The following CDCP1 variants were observed in gnomAD, a reference collection of about 807,000 sequenced individuals.
The protein encoded by CDCP1 is CUB domain containing protein 1.
CDCP1 carries 29 observed loss-of-function variants against 60.2 expected under a neutral mutation model. The ratio of observed to expected loss-of-function variants is 0.48; its 90% confidence interval spans 0.36 to 0.66. The LOEUF (loss-of-function observed/expected upper bound fraction) is 0.66. CDCP1 is among the 30% of genes least tolerant of loss of function. The probability of loss-of-function intolerance (pLI) is 0.00; values close to 1 mark genes in which losing one functional copy is unlikely to be tolerated. For missense variants in CDCP1, 876 were observed against 1,074.3 expected, an observed-to-expected ratio of 0.82 and a Z score of 2.58; for synonymous variants, 387 against 431.1, an observed-to-expected ratio of 0.90 and a Z score of 1.27.
chr3:45,099,640 G>C (rs1698457818), intron 4 of CDCP1, among the ~76,000 whole-genome samples: 1 of 151,914 alleles, frequency 6.6e-6, no homozygotes, highest in African/African-American at 2.4e-5. Context: ...TCCTTGACTG[G>C]TCCTTGAGTT....
chr3:45,142,968 C>T (rs1272590322), intron 1 of CDCP1, among the ~76,000 whole-genome samples: 2 of 152,156 alleles, frequency 1.3e-5, no homozygotes, highest in African/African-American at 2.4e-5. Context: ...TTCAGGAGGC[C>T]GAGGCGGGCA....
chr3:45,112,799 G>T (rs2125998046), intron 2 of CDCP1, among the ~76,000 whole-genome samples: 1 of 152,322 alleles, frequency 6.6e-6, no homozygotes, highest in Non-Finnish European at 1.5e-5. Context: ...GATGTAACCT[G>T]GGTATGCCAT....
intron 1 of CDCP1, among the ~76,000 whole-genome samples, chr3:45,141,693 G>A (rs1699292935): frequency 6.6e-6 from 1 of 152,226 alleles, no homozygotes; most frequent in African/African-American, 2.4e-5. Flanking sequence ...GCGAGGGAAG[G>A]AGCCTGGATC....
rs549507484 is a variant in CDCP1, at chr3:45,093,919, C to A, written c.1247-262G>T. On this transcript the variant is annotated intron_variant, in intron 5 of 8. Coordinates refer to ENST00000296129, the MANE Select transcript of CDCP1 (RefSeq NM_022842.5). ...GTACTCAGGGTTGAAATTTCCTCTC[C>A]TTTTTTGCTTAAGTTTTTCTTCTGT... Among the ~76,000 whole-genome samples, 14 of 152,174 alleles carry A rather than the reference C, an allele frequency of 9.2e-5. No individual in the cohort carries two copies. The South Asian group carries it at 2.7e-3, about 29-fold the overall frequency.
chr3:45,096,533 G>A (rs1422280131), intron 4 of CDCP1, among the ~76,000 whole-genome samples: 2 of 148,406 alleles, frequency 1.3e-5, no homozygotes, highest in African/African-American at 2.5e-5. Context: ...GCTGAGACAG[G>A]AGAATCGCTT....
In CDCP1 at chr3:45,109,245, G is replaced by A. The variant is rs554275028; in HGVS notation, c.1024+1228C>T. ...ATTACAGGCATGAGCCACCGTGCCC[G>A]GCCCCTTGTATATATATCTATACAC... On this transcript the variant is annotated intron_variant, in intron 4 of 8. Coordinates refer to ENST00000296129, the MANE Select transcript of CDCP1 (RefSeq NM_022842.5). Among the ~76,000 whole-genome samples, 393 of 151,764 alleles carry A rather than the reference G, an allele frequency of 2.6e-3. 4 individuals carry two copies. Among genetic ancestry groups the A allele is most frequent in the Non-Finnish European group, 1.6e-3 (107 of 67,934 alleles).
At chr3:45,086,117 G>A (rs775846351) in intron 8 of CDCP1, 50 bp from the exon 9 acceptor site, 19 of 1,507,202 alleles carry the variant, frequency 1.3e-5, no homozygotes, top group Admixed American at 6.8e-5. Flanking sequence ...AAGAATCTTC[G>A]ATGGGTACCA....
chr3:45,135,079 T>C (rs948321498), intron 1 of CDCP1, among the ~76,000 whole-genome samples: 1 of 152,174 alleles, frequency 6.6e-6, no homozygotes, highest in African/African-American at 2.4e-5. Flanking sequence ...TTGGGCATCA[T>C]AATGAAGTTA....
At position 45,091,185 on chromosome 3, in the gene CDCP1, G is replaced by T; in HGVS notation, c.1981C>A (p.Pro661Thr). 1.9e-6 allele frequency: 3 copies of T among 1,612,576 alleles called. No homozygotes were observed. Among genetic ancestry groups the T allele is most frequent in the South Asian group, 1.1e-5 (1 of 91,018 alleles). ...TGAAGGCCCTTACCCACAGTCCTTG[G>T]GGTAAGTGTCACCGAGAAGAGCAGG... ...LDLLFSVTLT[P>T]RTVDLTVILI... Residue 661 changes from proline (P) to threonine (T), a missense_variant, in exon 7 of 9, where the codon CCA (proline) becomes ACA (threonine). Transcript: ENST00000296129. The surrounding 1 kb of genome is among the most constrained non-coding windows in gnomAD (Gnocchi z 4.8).
intron 1 of CDCP1, among the ~76,000 whole-genome samples, chr3:45,120,450 C>T (rs1176446737): frequency 6.6e-6 from 1 of 152,132 alleles, no homozygotes; most frequent in African/African-American, 2.4e-5. Flanking sequence ...GGCCTCTGTT[C>T]CTTCATTGTA....
chr3:45,117,420 T>C (rs942015749), intron 2 of CDCP1, among the ~76,000 whole-genome samples: 1 of 152,212 alleles, frequency 6.6e-6, no homozygotes. Flanking sequence ...CCTTATTTTA[T>C]AGACTAGAAA....
intron 8 of CDCP1, among the ~76,000 whole-genome samples, chr3:45,087,684 G>A (rs538195075): frequency 2.0e-5 from 3 of 152,304 alleles, no homozygotes; most frequent in Non-Finnish European, 4.4e-5. Flanking sequence ...TTGTAGACTA[G>A]GAATTTCAGT....
chr3:45,098,571 C>T (rs900161004), intron 4 of CDCP1, among the ~76,000 whole-genome samples: 7 of 151,806 alleles, frequency 4.6e-5, no homozygotes, highest in African/African-American at 1.7e-4. Flanking sequence ...ATGTGGATTT[C>T]TCCTCCTTCA....
chr3:45,108,372 C>T (rs887429415), intron 4 of CDCP1, among the ~76,000 whole-genome samples: 2 of 152,174 alleles, frequency 1.3e-5, no homozygotes, highest in Non-Finnish European at 2.9e-5. Flanking sequence ...CTGCTAAACA[C>T]CTCTCAACGG....
chr3:45,125,209 C>T (rs1439307306), intron 1 of CDCP1, among the ~76,000 whole-genome samples: 1 of 152,210 alleles, frequency 6.6e-6, no homozygotes, highest in Non-Finnish European at 1.5e-5. Flanking sequence ...CTTGGAGCCA[C>T]TCTGGGGAGT....
chr3:45,117,804 C>T (rs1297662624), intron 2 of CDCP1, among the ~76,000 whole-genome samples: 1 of 152,058 alleles, frequency 6.6e-6, no homozygotes, highest in East Asian at 1.9e-4. Flanking sequence ...ACCATGTTGG[C>T]CAGGCTGGTC....
In CDCP1 at chr3:45,085,955, G is replaced by A. The variant is rs1371376369; in HGVS notation, c.2194C>T (p.His732Tyr). 2 of 1,614,156 alleles carry A rather than the reference G, an allele frequency of 1.2e-6. No individual in the cohort carries two copies. Among genetic ancestry groups the A allele is most frequent in the African/African-American group, 1.3e-5 (1 of 75,042 alleles). ...GTGTCCTCGATGACTGCATACACAT[G>A]GGAGTCATTGTCCTTTCGCCCTTTC... is the stretch of plus-strand genomic sequence containing the variant. ...FQKGRKDNDS[H>Y]VYAVIEDTMV... The change falls in exon 9 of 9, where the codon CAT (histidine) becomes TAT (tyrosine). Residue 732 changes from histidine to tyrosine, a missense_variant. Physicochemically the swap from His to Tyr is moderately conservative, Grantham distance 83. Transcript: ENST00000296129. The surrounding 1 kb of genome is among the most constrained non-coding windows in gnomAD (Gnocchi z 4.2).
At chr3:45,145,763 C>A (rs1699372555) in intron 1 of CDCP1, among the ~76,000 whole-genome samples, 1 of 152,126 alleles carries the variant, frequency 6.6e-6, no homozygotes, top group African/African-American at 2.4e-5. Context: ...AGGTAGAGGG[C>A]GAGCCTGGAG....
intron 8 of CDCP1, 62 bp from the exon 9 acceptor site, chr3:45,086,129 T>G: frequency 7.1e-7 from 1 of 1,406,116 alleles, no homozygotes; most frequent in Non-Finnish European, 9.9e-7. Context: ...TGGGTACCAT[T>G]GCTATGGCCC....
Sources: gnomAD v4.1 joint callset for allele counts (sites outside exome capture counted in the v4.1 genomes callset) on GRCh38, gnomAD v4.1.1 for gene constraint, Gnocchi (gnomAD v3.1) non-coding constraint, MANE v1.5 for transcripts, NCBI Gene and HGNC (gene_info 2026-07-23, HGNC 2026-07-21) for gene names.